Variants in MPPED2 observed in about 807,000 individuals in gnomAD.
MPPED2 encodes the protein metallophosphoesterase MPPED2.
A neutral mutation model predicts 33.0 loss-of-function variants in MPPED2; 5 were observed. That is an observed-to-expected ratio of 0.15 (90% confidence interval 0.08 to 0.32). The LOEUF (loss-of-function observed/expected upper bound fraction) is 0.32. Among genes scored for constraint, MPPED2 ranks in the 10% least tolerant of loss-of-function variants. The probability of loss-of-function intolerance (pLI) is 1.00; values close to 1 mark genes in which losing one functional copy is unlikely to be tolerated. For synonymous variants in MPPED2, 136 were observed against 141.9 expected (o/e 0.96, Z 0.29); for missense variants, 275 against 372.1 (o/e 0.74, Z 2.15).
At chr11:30,534,191 A>G (rs1158061294) in intron 3 of MPPED2, among the ~76,000 whole-genome samples, 1 of 152,190 alleles carries the variant, frequency 6.6e-6, no homozygotes, top group Non-Finnish European at 1.5e-5. Flanking sequence ...CCATTTCTAT[A>G]AACACTTCCC....
chr11:30,500,145 C>T (rs1952490038), intron 3 of MPPED2, among the ~76,000 whole-genome samples: 1 of 152,304 alleles, frequency 6.6e-6, no homozygotes, highest in South Asian at 2.1e-4. Context: ...CTTCCAAAAG[C>T]GTCCCTGGAA....
rs149331729 is a variant in MPPED2, at chr11:30,494,669, C to T, written c.536+627G>A. ...AGGAGAATTGCTCGAACCCAGGAGG[C>T]GGAGGTTGCAGTGAGCTGAGATCAC... is the stretch of plus-strand genomic sequence containing the variant. On this transcript the variant is annotated intron_variant, in intron 4 of 6. Coordinates refer to ENST00000358117, the MANE Select transcript of MPPED2 (RefSeq NM_001584.3). Among the ~76,000 whole-genome samples, 8 of 125,222 alleles carry T rather than the reference C, an allele frequency of 6.4e-5. No homozygotes were observed. The East Asian group carries it at 2.0e-3, about 31-fold the overall frequency. The allele number at this position is 125,222 out of a possible 152,430, so 82.2% of individuals were successfully genotyped here. A position where few individuals can be genotyped will look rare whatever the true frequency, so the allele number is the denominator to read the frequency against.
At chr11:30,454,854 T>G (rs958598123) in intron 4 of MPPED2, among the ~76,000 whole-genome samples, 6 of 152,344 alleles carry the variant, frequency 3.9e-5, no homozygotes, top group African/African-American at 1.4e-4. Context: ...CATTTTTTAT[T>G]CTGTGATAGA....
chr11:30,529,694 C>T (rs563549764), intron 3 of MPPED2, among the ~76,000 whole-genome samples: 2 of 152,238 alleles, frequency 1.3e-5, no homozygotes, highest in East Asian at 3.9e-4. Context: ...AATAAACAGC[C>T]TTGGCGGTGA....
rs1333290770 is a variant in MPPED2 at position 30,395,647 on chromosome 11, AGTTT to A, written c.767-6695_767-6692del. Among the ~76,000 whole-genome samples, 4 of 152,342 alleles carry A rather than the reference AGTTT, an allele frequency of 2.6e-5. No homozygotes were observed. The East Asian group carries it at 7.7e-4, about 29-fold the overall frequency. On this transcript the variant is annotated intron_variant, in intron 6 of 6. Transcript: ENST00000448418. ...TTTATACAGTCTGAACAGACGGCTT[AGTTT>A]GGCCTCTTAAAAATACAGTGGTGAG...
chr11:30,477,503 G>C (rs1387385529), intron 4 of MPPED2, among the ~76,000 whole-genome samples: 2 of 150,708 alleles, frequency 1.3e-5, no homozygotes, highest in African/African-American at 4.9e-5. Context: ...CCTGTTAATA[G>C]GATGAATTAG....
At chr11:30,434,132 C>G (rs1430419800) in intron 4 of MPPED2, among the ~76,000 whole-genome samples, 1 of 152,146 alleles carries the variant, frequency 6.6e-6, no homozygotes, top group African/African-American at 2.4e-5. Context: ...ATCTCATGAC[C>G]CTTAATTTAA....
chr11:30,479,268 C>T (rs763296956), intron 4 of MPPED2, among the ~76,000 whole-genome samples: 81 of 151,946 alleles, frequency 5.3e-4, no homozygotes, highest in Admixed American at 2.2e-3. Flanking sequence ...ATAAGGTCAC[C>T]GGAGACCTGA....
chr11:30,453,727 C>T (rs943406951), intron 4 of MPPED2, among the ~76,000 whole-genome samples: 1 of 152,038 alleles, frequency 6.6e-6, no homozygotes, highest in African/African-American at 2.4e-5. Context: ...TAAGATCAAG[C>T]AAAGAAGACT....
At chr11:30,522,541 TATTA>T (rs1711963592) in intron 3 of MPPED2, among the ~76,000 whole-genome samples, 1 of 152,190 alleles carries the variant, frequency 6.6e-6, no homozygotes, top group Non-Finnish European at 1.5e-5. Context: ...CTTGAAGAAA[TATTA>T]ATTAAAAAAT....
At chr11:30,494,155 T>C (rs1469770991) in intron 4 of MPPED2, among the ~76,000 whole-genome samples, 2 of 152,200 alleles carry the variant, frequency 1.3e-5, no homozygotes, top group Non-Finnish European at 2.9e-5. Flanking sequence ...AAAATCTATA[T>C]TTCTACAGAG....
At chr11:30,446,873 A>G (rs1443714192) in intron 4 of MPPED2, among the ~76,000 whole-genome samples, 6 of 152,186 alleles carry the variant, frequency 3.9e-5, no homozygotes, top group Non-Finnish European at 5.9e-5. Context: ...CTCTGAAAAC[A>G]ACAACTTATA....
intron 6 of MPPED2, among the ~76,000 whole-genome samples, chr11:30,394,066 C>A (rs1947811677): frequency 6.6e-6 from 1 of 152,192 alleles, no homozygotes; most frequent in Non-Finnish European, 1.5e-5. Flanking sequence ...AGCATAATGT[C>A]TTTGCGATTC....
exon 7 of MPPED2, chr11:30,386,656 C>T: frequency 2.5e-6 from 1 of 398,366 alleles, no homozygotes; most frequent in Non-Finnish European, 4.4e-6. Context: ...GAATTTGGAT[C>T]CCAAATAAAT....
chr11:30,416,942 A>C (rs1366751926), intron 5 of MPPED2, among the ~76,000 whole-genome samples: 1 of 152,180 alleles, frequency 6.6e-6, no homozygotes, highest in Non-Finnish European at 1.5e-5. Flanking sequence ...AGACAATATA[A>C]ATCTGGATGC....
At chr11:30,577,249 A>G (rs1956970795) in intron 2 of MPPED2, among the ~76,000 whole-genome samples, 1 of 152,212 alleles carries the variant, frequency 6.6e-6, no homozygotes, top group African/African-American at 2.4e-5. Flanking sequence ...ATTGAATTAA[A>G]TGGGAAGTGA....
chr11:30,438,073 T>C (rs1039130927), intron 4 of MPPED2, among the ~76,000 whole-genome samples: 3 of 152,170 alleles, frequency 2.0e-5, no homozygotes, highest in Non-Finnish European at 4.4e-5. Context: ...TCAGTTAAAA[T>C]ACGCAAAGCA....
At chr11:30,501,188 C>A (rs1952542993) in intron 3 of MPPED2, among the ~76,000 whole-genome samples, 2 of 152,202 alleles carry the variant, frequency 1.3e-5, no homozygotes, top group Admixed American at 1.3e-4. Flanking sequence ...ATTGTCATGA[C>A]CATCTTTCCC....
chr11:30,482,625 G>T (rs890304316), intron 4 of MPPED2, among the ~76,000 whole-genome samples: 1 of 151,896 alleles, frequency 6.6e-6, no homozygotes, highest in African/African-American at 2.4e-5. Flanking sequence ...TTTTGGTCTC[G>T]TTCAGATTAT....
Sources: gnomAD v4.1 joint callset for allele counts (sites outside exome capture counted in the v4.1 genomes callset) on GRCh38, gnomAD v4.1.1 for gene constraint, MANE v1.5 for transcripts, NCBI Gene and HGNC (gene_info 2026-07-23, HGNC 2026-07-21) for gene names.